Variants in HS3ST5 observed in about 807,000 individuals in gnomAD.
HS3ST5 encodes heparan sulfate-glucosamine 3-sulfotransferase 5.
In HS3ST5, 10 loss-of-function variants were observed where a neutral mutation model predicts 25.4. The ratio of observed to expected loss-of-function variants is 0.39; its 90% CI spans 0.24 to 0.67. The LOEUF is 0.67. HS3ST5 is among the 30% of genes least tolerant of loss of function. The pLI is 0.44. For synonymous variants in HS3ST5, 170 were observed against 162.4 expected (o/e 1.05, Z -0.36); for missense variants, 324 against 420.7 (o/e 0.77, Z 2.01).
rs180785274 is a variant in HS3ST5 at position 114,167,806 on chromosome 6, G to A, written c.-33+545C>T. 6.6e-5 allele frequency: 10 copies of A among 152,290 alleles called. No individual in the cohort carries two copies. In the East Asian group the frequency reaches 1.5e-3, roughly 23 times the overall value. 9.4% of individuals were successfully genotyped at this position (152,290 alleles called of 1,614,324 possible). On this transcript the variant is annotated intron_variant, in intron 3 of 4. Transcript: ENST00000312719. Reference sequence around the variant, plus strand: ...AACTTGTCAAACAAATGTCAGAGGAGGTATACAACAAGTTCTACAGAAGTC... The same window carrying A: ...AACTTGTCAAACAAATGTCAGAGGAAGTATACAACAAGTTCTACAGAAGTC...
intron 3 of HS3ST5, among the ~76,000 whole-genome samples, chr6:114,130,090 C>T (rs1777253832): frequency 6.6e-6 from 1 of 152,192 alleles, no homozygotes; most frequent in Non-Finnish European, 1.5e-5. Flanking sequence ...TAACAAGCCA[C>T]ATCTATTGGT....
chr6:114,304,585 G>A (rs1329520405), intron 1 of HS3ST5, among the ~76,000 whole-genome samples: 1 of 151,934 alleles, frequency 6.6e-6, no homozygotes, highest in Non-Finnish European at 1.5e-5. Context: ...AAACTTTTTG[G>A]TCTTAGAAGC....
chr6:114,082,631 G>A (rs992807929), intron 3 of HS3ST5, among the ~76,000 whole-genome samples: 4 of 152,246 alleles, frequency 2.6e-5, no homozygotes, highest in African/African-American at 9.6e-5. Context: ...TACTGCAGTA[G>A]TAGAGAGAGA....
At chr6:114,228,828 A>C (rs1313965332) in intron 1 of HS3ST5, 50 bp from the exon 2 acceptor site, 1 of 152,170 alleles carries the variant, frequency 6.6e-6, no homozygotes, top group Non-Finnish European at 1.5e-5. Context: ...TTCATAGAGA[A>C]TCTGCTATGG....
At chr6:114,276,236 C>T (rs1475094267) in intron 1 of HS3ST5, among the ~76,000 whole-genome samples, 1 of 151,716 alleles carries the variant, frequency 6.6e-6, no homozygotes, top group Non-Finnish European at 1.5e-5. Context: ...GGTGAGAGAG[C>T]TGGGATTAGA....
At chr6:114,197,184 A>G (rs1176041163) in intron 2 of HS3ST5, among the ~76,000 whole-genome samples, 2 of 151,684 alleles carry the variant, frequency 1.3e-5, no homozygotes, top group Admixed American at 6.6e-5. Context: ...AGACAAATAA[A>G]TGAATGAACT....
At chr6:114,113,143 A>C (rs1305039544) in intron 3 of HS3ST5, among the ~76,000 whole-genome samples, 1 of 152,188 alleles carries the variant, frequency 6.6e-6, no homozygotes, top group Non-Finnish European at 1.5e-5. Flanking sequence ...TACTTCTGTC[A>C]TCTAGAGATG....
intron 1 of HS3ST5, among the ~76,000 whole-genome samples, chr6:114,277,881 G>C (rs1773931696): frequency 2.6e-5 from 4 of 151,900 alleles, no homozygotes; most frequent in African/African-American, 9.7e-5. Context: ...AATTACAAAG[G>C]AACAAAAAGA....
intron 3 of HS3ST5, chr6:114,084,257 A>T: frequency 1.1e-6 from 1 of 912,812 alleles, no homozygotes; most frequent in East Asian, 2.4e-5. Context: ...TGAGCACTCC[A>T]ATATTCAGTA....
chr6:114,213,347 G>C (rs12174228), intron 2 of HS3ST5, among the ~76,000 whole-genome samples: 4 of 138,146 alleles, frequency 2.9e-5, no homozygotes, highest in Middle Eastern at 3.6e-3. Context: ...CGGCGGGGGT[G>C]GGGGGGTGGG....
intron 3 of HS3ST5, among the ~76,000 whole-genome samples, chr6:114,073,253 A>G (rs924460201): frequency 2.6e-5 from 4 of 152,208 alleles, no homozygotes; most frequent in Non-Finnish European, 4.4e-5. Flanking sequence ...TGACTAAAAC[A>G]CCAAAAGCAA....
In HS3ST5 at chr6:114,184,675, A is replaced by C. The variant is rs79575516; in HGVS notation, c.-144-16213T>G. ...GGCCATTGCCTTGTTTTCAATAGGC[A>C]ATAAGATCTCTGTCCGAAGCTGTGG... On this transcript the variant is annotated intron_variant, in intron 2 of 4. Coordinates refer to ENST00000312719, the MANE Select transcript of HS3ST5 (RefSeq NM_153612.4). Among the ~76,000 whole-genome samples the C allele has an allele frequency of 8.8e-4, 134 of 152,308 alleles. 5 individuals carry two copies. In the East Asian group the frequency reaches 0.025, roughly 28 times the overall value.
intron 1 of HS3ST5, among the ~76,000 whole-genome samples, chr6:114,341,220 GGGGAGAGA>G (rs1484182653): frequency 1.2e-4 from 4 of 33,336 alleles, no homozygotes; most frequent in African/African-American, 8.3e-4. Flanking sequence ...AGGGAGAGAG[GGGGAGAGA>G]GAGAGAGAGA....
rs1392414730 is a variant in HS3ST5, at chr6:114,056,127, A to C, written c.*1130T>G. The C allele has an allele frequency of 6.6e-6, 1 of 152,232 alleles. No individual in the cohort carries two copies. Among genetic ancestry groups the C allele is most frequent in the Non-Finnish European group, 1.5e-5 (1 of 68,042 alleles). 9.4% of individuals were successfully genotyped at this position (152,232 alleles called of 1,614,324 possible). A position where few individuals can be genotyped will look rare whatever the true frequency, so the allele number is the denominator to read the frequency against. On this transcript the variant is annotated 3_prime_UTR_variant, in exon 5 of 5. Coordinates refer to ENST00000312719, the MANE Select transcript of HS3ST5 (RefSeq NM_153612.4). ...GACTCTGATTAGAGGTTCAAATAAAATGGTGATTCTTCTATGCCTTGATTC... is the reference window on the plus strand; with the variant it reads ...GACTCTGATTAGAGGTTCAAATAAACTGGTGATTCTTCTATGCCTTGATTC...
intron 1 of HS3ST5, among the ~76,000 whole-genome samples, chr6:114,287,290 A>G (rs1774381016): frequency 6.6e-6 from 1 of 151,940 alleles, no homozygotes; most frequent in Non-Finnish European, 1.5e-5. Flanking sequence ...TAGTTTACAA[A>G]CCCTATCATT....
intron 3 of HS3ST5, among the ~76,000 whole-genome samples, chr6:114,076,227 G>A (rs1177687351): frequency 6.6e-6 from 1 of 152,136 alleles, no homozygotes; most frequent in African/African-American, 2.4e-5. Flanking sequence ...GCTGCTATGT[G>A]ACTTTGTGTA....
At chr6:114,138,019 G>A (rs1360781) in intron 3 of HS3ST5, among the ~76,000 whole-genome samples, 146,037 of 152,206 alleles carry the variant, frequency 0.96, 70,370 homozygotes, top group East Asian at 1. Flanking sequence ...CTTAAAAATA[G>A]CACTAGCATT....
intron 1 of HS3ST5, among the ~76,000 whole-genome samples, chr6:114,230,539 T>G (rs985710881): frequency 5.3e-5 from 8 of 152,148 alleles, no homozygotes; most frequent in African/African-American, 1.9e-4. Context: ...CTTTAATAGA[T>G]TTCTCTATTT....
intron 4 of HS3ST5, 110 bp downstream of exon 4, chr6:114,062,629 G>T: frequency 1.5e-6 from 1 of 671,640 alleles, no homozygotes; most frequent in African/African-American, 1.8e-5. Context: ...CATGTTTCCT[G>T]GGAATTTCGA....
Sources: gnomAD v4.1 joint callset for allele counts (sites outside exome capture counted in the v4.1 genomes callset) on GRCh38, gnomAD v4.1.1 for gene constraint, MANE v1.5 for transcripts, NCBI Gene and HGNC (gene_info 2026-07-23, HGNC 2026-07-21) for gene names.